The following GYPB variants were observed in gnomAD, a reference collection of about 807,000 sequenced individuals.
GYPB encodes the protein glycophorin B (MNS blood group).
A neutral mutation model predicts 15.3 loss-of-function variants in GYPB; 13 were observed. That is an observed-to-expected ratio of 0.85 (90% CI 0.55 to 1.35). GYPB has a LOEUF of 1.35. GYPB is among the 40% of genes most tolerant of loss of function. GYPB has a pLI of 0.00. For missense variants in GYPB, 131 were observed against 108.3 expected, an observed-to-expected ratio of 1.21 and a Z score of -0.93; for synonymous variants, 38 against 36.9, an observed-to-expected ratio of 1.03 and a Z score of -0.11.
At chr4:144,014,320 C>T (rs1728378606) in intron 1 of GYPB, among the ~76,000 whole-genome samples, 1 of 151,548 alleles carries the variant, frequency 6.6e-6, no homozygotes, top group African/African-American at 2.4e-5. Flanking sequence ...TTCACATTAG[C>T]CAAAAGGTGG....
chr4:144,014,963 T>A (rs1439610017), intron 1 of GYPB, among the ~76,000 whole-genome samples: 1 of 151,408 alleles, frequency 6.6e-6, no homozygotes, highest in Non-Finnish European at 1.5e-5. Flanking sequence ...AAATAGCTGT[T>A]TATAGAACTT....
intron 1 of GYPB, among the ~76,000 whole-genome samples, chr4:144,004,297 G>A (rs1369218408): frequency 6.6e-6 from 1 of 151,820 alleles, no homozygotes; most frequent in East Asian, 1.9e-4. Context: ...CCTATAAAAT[G>A]ATCTTTTTCA....
Position 144,000,765 on chromosome 4 carries a change from T to C in GYPB, c.136+420A>G, listed in dbSNP as rs1560705647. ...GAAATGCTGTGAGATAAGTACTGTG[T>C]TATTGGCCCCATTTTAAAATTAATG... On this transcript the variant is annotated intron_variant, in intron 2 of 4. Coordinates refer to ENST00000502664, the MANE Select transcript of GYPB (RefSeq NM_002100.6). Among the ~76,000 whole-genome samples, 7 of 151,066 alleles carry C rather than the reference T, an allele frequency of 4.6e-5. No homozygotes were observed. The South Asian group carries it at 1.5e-3, about 31-fold the overall frequency.
chr4:143,996,017 C>T, downstream of GYPB: 1 of 684,214 alleles, frequency 1.5e-6, no homozygotes, highest in South Asian at 3.0e-5. Context: ...TTGTTCAGAC[C>T]CTTCTTTCTT....
chr4:144,005,054 GC>G (rs1166637925), intron 1 of GYPB, among the ~76,000 whole-genome samples: 6 of 151,958 alleles, frequency 3.9e-5, no homozygotes, highest in Non-Finnish European at 2.9e-5. Context: ...GCTTTCTGTA[GC>G]TAAATTAGCT....
chr4:144,010,326 A>T (rs1329460436), intron 1 of GYPB, among the ~76,000 whole-genome samples: 1 of 151,340 alleles, frequency 6.6e-6, no homozygotes, highest in Non-Finnish European at 1.5e-5. Flanking sequence ...AAAATTAGTC[A>T]GGTGTGGTTG....
intron 1 of GYPB, among the ~76,000 whole-genome samples, chr4:144,014,339 C>G (rs150806477): frequency 0.013 from 2,008 of 151,740 alleles, 136 homozygotes; most frequent in African/African-American, 0.047. Context: ...GGAAACAACA[C>G]AAATTTTAAT....
intron 1 of GYPB, among the ~76,000 whole-genome samples, chr4:144,009,658 G>A (rs1369126574): frequency 7.9e-5 from 9 of 114,264 alleles, no homozygotes; most frequent in African/African-American, 2.9e-4. Flanking sequence ...CTGTCACCCA[G>A]GCTGGAGTGC....
chr4:144,005,895 A>G (rs1353003679), intron 1 of GYPB, among the ~76,000 whole-genome samples: 1 of 151,518 alleles, frequency 6.6e-6, no homozygotes, highest in African/African-American at 2.5e-5. Context: ...GAGGAGGGAT[A>G]AAGAAATAGC....
intron 2 of GYPB, chr4:144,000,463 C>A (rs1334624965): frequency 3.6e-6 from 4 of 1,103,646 alleles, no homozygotes; most frequent in Non-Finnish European, 3.6e-6. Flanking sequence ...ACATGTGTCC[C>A]GTTTGTGCTT....
intron 1 of GYPB, among the ~76,000 whole-genome samples, chr4:144,015,015 A>G (rs1440355900): frequency 6.6e-6 from 1 of 151,440 alleles, no homozygotes. Flanking sequence ...TCCAGTGCTT[A>G]CATATAATAA....
Position 143,996,161 on chromosome 4 carries a change from G to A in GYPB, c.*138C>T. 6 of 1,519,248 alleles carry A rather than the reference G, an allele frequency of 3.9e-6. No individual in the cohort carries two copies. The highest frequency in any genetic ancestry group is 1.2e-5 in the South Asian group (1 of 81,162). 94.1% of individuals were successfully genotyped at this position (1,519,248 alleles called of 1,614,324 possible). ...AAGTAGAGAATACAGTAATAGTGAG[G>A]CAGGAGAACAGGGAATTAGGATAGC... On this transcript the variant is annotated 3_prime_UTR_variant, in exon 5 of 5. Coordinates refer to ENST00000502664, the MANE Select transcript of GYPB (RefSeq NM_002100.6).
rs528310139 is a variant in GYPB, at chr4:144,018,366, T to C, written c.37+885A>G. Among the ~76,000 whole-genome samples the C allele has an allele frequency of 5.6e-4, 83 of 149,326 alleles. 5 individuals are homozygous for C. Among genetic ancestry groups the C allele is most frequent in the African/African-American group, 2.0e-3 (78 of 38,796 alleles). On this transcript the variant is annotated intron_variant, in intron 1 of 4. Transcript: ENST00000502664. Reference sequence around the variant, plus strand: ...TCCTCCCCTAGGGTATCTTAGAAAATGCTGATCTCTCTTCCCTGTATGCTA... The same window carrying C: ...TCCTCCCCTAGGGTATCTTAGAAAACGCTGATCTCTCTTCCCTGTATGCTA...
intron 3 of GYPB, among the ~76,000 whole-genome samples, chr4:143,998,103 G>T (rs1727423689): frequency 6.6e-6 from 1 of 151,396 alleles, no homozygotes. Flanking sequence ...ATGAAGAAAA[G>T]AAGCTGAATA....
intron 1 of GYPB, among the ~76,000 whole-genome samples, chr4:144,001,681 T>C (rs1271980514): frequency 6.6e-6 from 1 of 151,272 alleles, no homozygotes; most frequent in Admixed American, 6.6e-5. Flanking sequence ...GAGCATTACA[T>C]ATATGTTGGG....
chr4:144,014,821 A>G (rs976122427), intron 1 of GYPB, among the ~76,000 whole-genome samples: 4 of 151,626 alleles, frequency 2.6e-5, no homozygotes, highest in African/African-American at 9.8e-5. Context: ...AAGTGTATGT[A>G]AATTGCTTAG....
chr4:144,010,105 G>A (rs1728140424), intron 1 of GYPB, among the ~76,000 whole-genome samples: 1 of 151,148 alleles, frequency 6.6e-6, no homozygotes, highest in African/African-American at 2.5e-5. Flanking sequence ...CCTGCAGTCA[G>A]GATGGCGCAT....
At position 144,016,872 on chromosome 4, in the gene GYPB, T is replaced by C. The variant is rs1157599618; in HGVS notation, c.37+2379A>G. On this transcript the variant is annotated intron_variant, in intron 1 of 4. Coordinates refer to ENST00000502664, the MANE Select transcript of GYPB (RefSeq NM_002100.6). Reference sequence around the variant, plus strand: ...TCCTCTTCTCCCAGAATTTTCAGGGTTGGCTCCATCTCCTTGTTCCACGTT... The same window carrying C: ...TCCTCTTCTCCCAGAATTTTCAGGGCTGGCTCCATCTCCTTGTTCCACGTT... 7 of 254,102 alleles carry C rather than the reference T, an allele frequency of 2.8e-5. No homozygotes were observed. The East Asian group carries it at 3.9e-4, about 14-fold the overall frequency. The allele number at this position is 254,102 out of a possible 1,614,324, so 15.7% of individuals were successfully genotyped here.
Position 143,997,550 on chromosome 4 carries a change from C to G in GYPB, c.260G>C (p.Arg87Pro). Residue 87 changes from arginine (R) to proline (P), a missense_variant, in exon 4 of 5, where the codon CGA becomes CCA. Transcript: ENST00000502664. ...TILLISYSIR[R>P]LIKA ...AAACTGAATTCTCACCTTTATCAGT[C>G]GGCGAATACTGTAAGAAATTAAGAG... 1 of 1,571,690 alleles carries G rather than the reference C, an allele frequency of 6.4e-7. No homozygotes were observed. The highest frequency in any genetic ancestry group is 8.7e-7 in the Non-Finnish European group (1 of 1,144,184).
Sources: gnomAD v4.1 joint callset for allele counts (sites outside exome capture counted in the v4.1 genomes callset) on GRCh38, gnomAD v4.1.1 for gene constraint, MANE v1.5 for transcripts, NCBI Gene and HGNC (gene_info 2026-07-23, HGNC 2026-07-21) for gene names.